CHODL: variants seen among roughly 807,000 people sequenced by gnomAD.
CHODL encodes chondrolectin.
Under a neutral mutation model 34.5 loss-of-function variants are expected in CHODL, and 29 were observed. The ratio of observed to expected loss-of-function variants is 0.84; its 90% CI spans 0.63 to 1.15. The LOEUF (loss-of-function observed/expected upper bound fraction) is 1.15. Among genes scored for constraint, CHODL ranks in the 50% most tolerant of loss-of-function variants. CHODL has a pLI of 0.00. For synonymous variants in CHODL, 125 were observed against 116.1 expected, an observed-to-expected ratio of 1.08 and a Z score of -0.49; for missense variants, 332 against 332.5, an observed-to-expected ratio of 1.00 and a Z score of 0.01.
intron 1 of CHODL, among the ~76,000 whole-genome samples, chr21:18,016,846 G>A (rs2064079373): frequency 1.3e-5 from 2 of 152,236 alleles, no homozygotes; most frequent in Admixed American, 1.3e-4. Context: ...GCATCAGTGT[G>A]GCTTGGATGT....
At chr21:17,944,227 C>G (rs1025709658) in intron 1 of CHODL, among the ~76,000 whole-genome samples, 7 of 152,122 alleles carry the variant, frequency 4.6e-5, no homozygotes, top group African/African-American at 1.7e-4. Context: ...AGCCAAAAAG[C>G]CTGCCCTATA....
At chr21:18,117,888 T>C (rs1045292934) in intron 2 of CHODL, among the ~76,000 whole-genome samples, 11 of 152,144 alleles carry the variant, frequency 7.2e-5, no homozygotes, top group Non-Finnish European at 1.3e-4. Context: ...AAAGAAAAAT[T>C]CTCATTCTAT....
intron 2 of CHODL, among the ~76,000 whole-genome samples, chr21:18,076,051 G>C (rs201669794): frequency 6.6e-6 from 1 of 152,272 alleles, no homozygotes; most frequent in East Asian, 1.9e-4. Flanking sequence ...AATTTCTGTT[G>C]TTTATATGCC....
At chr21:17,977,896 C>T (rs1353744686) in intron 1 of CHODL, among the ~76,000 whole-genome samples, 3 of 97,618 alleles carry the variant, frequency 3.1e-5, no homozygotes, top group South Asian at 3.2e-4. Context: ...TCCAGCTTGG[C>T]AACAGAGCAA....
At chr21:18,178,251 T>A (rs2073340242) in intron 2 of CHODL, among the ~76,000 whole-genome samples, 1 of 152,234 alleles carries the variant, frequency 6.6e-6, no homozygotes, top group African/African-American at 2.4e-5. Flanking sequence ...CAGTATTTCC[T>A]TAGATTTTAT....
At chr21:18,000,871 T>C (rs2063898830) in intron 1 of CHODL, among the ~76,000 whole-genome samples, 1 of 152,192 alleles carries the variant, frequency 6.6e-6, no homozygotes. Context: ...CAGCTTTTTC[T>C]TTTTCTTTTT....
upstream of CHODL, among the ~76,000 whole-genome samples, chr21:18,241,487 A>G (rs180722824): frequency 2.0e-5 from 3 of 152,298 alleles, no homozygotes; most frequent in African/African-American, 7.2e-5. Flanking sequence ...AAACATTGTA[A>G]CAAATCTCCT....
intron 2 of CHODL, among the ~76,000 whole-genome samples, chr21:18,129,861 C>T (rs2072631343): frequency 6.7e-6 from 1 of 150,346 alleles, no homozygotes; most frequent in Admixed American, 6.7e-5. Flanking sequence ...GTAATAAATA[C>T]ATCTTTAGTA....
At chr21:17,925,502 G>A (rs2063215665) in intron 1 of CHODL, among the ~76,000 whole-genome samples, 1 of 152,116 alleles carries the variant, frequency 6.6e-6, no homozygotes, top group Non-Finnish European at 1.5e-5. Context: ...CTGACCTTTG[G>A]CATTATTCAT....
chr21:18,141,723 G>GAAAAAAA (rs11308901), intron 2 of CHODL, among the ~76,000 whole-genome samples: 1 of 124,580 alleles, frequency 8.0e-6, no homozygotes. Flanking sequence ...GAAAGAACAG[G>GAAAAAAA]AAAAAAAAAA....
intron 2 of CHODL, among the ~76,000 whole-genome samples, chr21:18,117,467 C>A (rs969915490): frequency 6.6e-6 from 1 of 152,174 alleles, no homozygotes; most frequent in South Asian, 2.1e-4. Context: ...CTTCTCCTGC[C>A]TCCTTGGTAG....
At chr21:18,232,578 A>G (rs907453807) in intron 2 of CHODL, among the ~76,000 whole-genome samples, 1 of 151,990 alleles carries the variant, frequency 6.6e-6, no homozygotes, top group Non-Finnish European at 1.5e-5. Context: ...GGTACCCACA[A>G]TATTGTGGAT....
chr21:17,959,569 G>A (rs574810158), intron 1 of CHODL, among the ~76,000 whole-genome samples: 1 of 152,154 alleles, frequency 6.6e-6, no homozygotes, highest in East Asian at 1.9e-4. Context: ...AAAAGGAAAC[G>A]GGCAGAGAGC....
intron 2 of CHODL, among the ~76,000 whole-genome samples, chr21:18,087,764 A>G (rs1397413637): frequency 1.3e-5 from 2 of 152,140 alleles, no homozygotes; most frequent in Non-Finnish European, 2.9e-5. Context: ...ATTGCAGGGT[A>G]TTATCCTAGA....
At chr21:17,944,790 TAAACAGTA>T (rs943799297) in intron 1 of CHODL, among the ~76,000 whole-genome samples, 26 of 152,186 alleles carry the variant, frequency 1.7e-4, no homozygotes, top group African/African-American at 5.3e-4. Flanking sequence ...ACAGCTAGAC[TAAACAGTA>T]AAACATTATC....
chr21:17,983,142 T>C (rs1460176095), intron 1 of CHODL, among the ~76,000 whole-genome samples: 3 of 152,216 alleles, frequency 2.0e-5, no homozygotes, highest in Non-Finnish European at 4.4e-5. Context: ...ATATGCATAC[T>C]CTTTCTAATC....
Position 17,974,382 on chromosome 21 carries a change from C to T in CHODL, c.-144-53490C>T, listed in dbSNP as rs997480521. 2.6e-5 allele frequency among the ~76,000 whole-genome samples: 4 copies of T among 152,142 alleles called. No homozygotes were observed. The South Asian group carries it at 8.3e-4, about 32-fold the overall frequency. ...CCGCCTCCTGGGTTCAAACAATTCT[C>T]CTGCCTCAGCCTCCCAAGTAGCTGG... On this transcript the variant is annotated intron_variant, in intron 1 of 6. Coordinates refer to the CHODL transcript ENST00000400127.
intron 1 of CHODL, among the ~76,000 whole-genome samples, chr21:18,017,550 T>C (rs1215197168): frequency 1.3e-5 from 2 of 152,234 alleles, no homozygotes; most frequent in Non-Finnish European, 2.9e-5. Context: ...GTGTTAAGCC[T>C]GTAAGCATGC....
intron 1 of CHODL, among the ~76,000 whole-genome samples, chr21:18,253,333 AT>A (rs1340671614): frequency 1.3e-5 from 2 of 151,956 alleles, no homozygotes; most frequent in East Asian, 3.9e-4. Flanking sequence ...TTAATATGAC[AT>A]TTTTTGACAT....
Sources: gnomAD v4.1 joint callset for allele counts (sites outside exome capture counted in the v4.1 genomes callset) on GRCh38, gnomAD v4.1.1 for gene constraint, MANE v1.5 for transcripts, NCBI Gene and HGNC (gene_info 2026-07-23, HGNC 2026-07-21) for gene names.